SLC28A1: variants seen among roughly 807,000 people sequenced by gnomAD.
The protein encoded by SLC28A1 is solute carrier family 28 member 1, also known as sodium/nucleoside cotransporter 1.
In SLC28A1, 64 loss-of-function variants were observed where a neutral mutation model predicts 74.8. That is an observed-to-expected ratio of 0.86 (90% confidence interval 0.70 to 1.05). The LOEUF is 1.05. SLC28A1 is among the 50% of genes least tolerant of loss of function. SLC28A1 has a pLI of 0.00. For synonymous variants in SLC28A1, 359 were observed against 335.0 expected, an observed-to-expected ratio of 1.07 and a Z score of -0.78; for missense variants, 828 against 822.8, an observed-to-expected ratio of 1.01 and a Z score of -0.08.
At chr15:84,970,324 A>AT in the SLC28A1 span, among the ~76,000 whole-genome samples, 1 of 152,158 alleles carries the variant, frequency 6.6e-6, no homozygotes, top group African/African-American at 2.4e-5. Context: ...CACCCCATAC[A>AT]TCTCATTGGC....
intron 9 of SLC28A1, among the ~76,000 whole-genome samples, chr15:84,914,766 C>T (rs72754924): frequency 0.21 from 31,545 of 152,050 alleles, 3,574 homozygotes; most frequent in South Asian, 0.47. Context: ...CTGCAGGCCC[C>T]AGAGGTGTTT....
intron 8 of SLC28A1, among the ~76,000 whole-genome samples, chr15:84,908,178 CTTT>C (rs71135328): frequency 4.4e-5 from 4 of 91,358 alleles, no homozygotes; most frequent in Admixed American, 1.6e-4. Flanking sequence ...CAGAGCATTT[CTTT>C]TTTTTTTTTT....
intron 15 of SLC28A1, among the ~76,000 whole-genome samples, chr15:84,936,804 G>C (rs768753741): frequency 1.3e-5 from 2 of 152,084 alleles, no homozygotes; most frequent in Non-Finnish European, 2.9e-5. Context: ...TGTATTCCCA[G>C]CACTTTGGGA....
downstream of SLC28A1, among the ~76,000 whole-genome samples, chr15:84,946,430 C>G (rs542771131): frequency 6.6e-6 from 1 of 152,076 alleles, no homozygotes; most frequent in East Asian, 1.9e-4. Context: ...TAACTCAATC[C>G]TTACAACAAC....
At chr15:84,938,216 A>AG (rs1309423528) in intron 15 of SLC28A1, among the ~76,000 whole-genome samples, 1 of 150,190 alleles carries the variant, frequency 6.7e-6, no homozygotes, top group Non-Finnish European at 1.5e-5. Flanking sequence ...AAAAAAAAAA[A>AG]GGTTTCTATA....
chr15:84,890,472 GA>G lies in SLC28A1; in HGVS notation c.217del (p.Ser73AlafsTer56). 6.2e-7 allele frequency: 1 copy of G among 1,610,680 alleles called. No homozygotes were observed. The highest frequency in any genetic ancestry group is 8.5e-7 in the Non-Finnish European group (1 of 1,179,506). On this transcript the variant is annotated frameshift_variant, in exon 5 of 19. Transcript: ENST00000394573. LOFTEE classifies it high-confidence loss of function. ...AACCTGCAGCCAGCCCTGAGAGCCA[GA>G]AGCTTCTGCAGGGAGCACATGCAGC... ...WRNLQPALRA[R>X]SFCREHMQLF... is the part of the protein sequence containing the mutation.
At position 84,920,982 on chromosome 15, in the gene SLC28A1, C is replaced by T; in HGVS notation, c.877-7C>T. ...CAGCCCACAAAGAACATTCTGCTTC[C>T]TTCTAGATTGCCTGGCTGATGCAAG... On this transcript the variant is annotated splice_region_variant and splice_polypyrimidine_tract_variant and intron_variant, in intron 10 of 18. Transcript: ENST00000394573. 6.2e-7 allele frequency: 1 copy of T among 1,612,456 alleles called. No homozygotes were observed. Among genetic ancestry groups the T allele is most frequent in the African/African-American group, 1.3e-5 (1 of 75,020 alleles).
At chr15:84,948,455 C>A (rs762507271), downstream of SLC28A1, among the ~76,000 whole-genome samples, 15 of 152,086 alleles carry the variant, frequency 9.9e-5, no homozygotes, top group Non-Finnish European at 1.5e-4. Context: ...GCTATTGAAC[C>A]AGGATTGAAT....
chr15:84,933,432 G>A (rs1324502223), intron 13 of SLC28A1, among the ~76,000 whole-genome samples, 157 bp downstream of exon 13: 2 of 152,130 alleles, frequency 1.3e-5, no homozygotes, highest in African/African-American at 4.8e-5. Flanking sequence ...TGCTGTCTTA[G>A]TCCATTTTCT....
chr15:84,922,495 G>A (rs1345862296), intron 11 of SLC28A1, among the ~76,000 whole-genome samples: 2 of 152,080 alleles, frequency 1.3e-5, no homozygotes, highest in South Asian at 4.1e-4. Context: ...TTCCCACAGC[G>A]CTGCCTCTGT....
At position 84,933,245 on chromosome 15, in the gene SLC28A1, G is replaced by C. The variant is rs1325020230; in HGVS notation, c.1184G>C (p.Arg395Thr). The C allele has an allele frequency of 3.1e-6, 5 of 1,613,432 alleles. No individual in the cohort carries two copies. The highest frequency in any genetic ancestry group is 4.2e-6 in the Non-Finnish European group (5 of 1,179,696). Reference sequence around the variant, plus strand: ...CCGGAGGTGGAGGAGTCCAAGTTTAGGAGGGAGGAAGGAGTGAAACTGACC... The same window carrying C: ...CCGGAGGTGGAGGAGTCCAAGTTTACGAGGGAGGAAGGAGTGAAACTGACC... The part of the protein sequence containing the change: ...VYPEVEESKF[R>T]REEGVKLTYG... Residue 395 changes from arginine (R) to threonine (T), a missense_variant, in exon 13 of 19, where the codon AGG (arginine) becomes ACG (threonine). Arg to Thr is a moderately conservative substitution (Grantham distance 71, BLOSUM62 -1). Transcript: ENST00000394573.
intron 4 of SLC28A1, among the ~76,000 whole-genome samples, chr15:84,889,101 A>C (rs960033086): frequency 6.6e-6 from 1 of 152,110 alleles, no homozygotes; most frequent in African/African-American, 2.4e-5. Context: ...CCCAGTATGT[A>C]CCGTGGGGCC....
intron 6 of SLC28A1, among the ~76,000 whole-genome samples, chr15:84,901,083 G>A (rs55986826): frequency 0.21 from 31,897 of 152,088 alleles, 3,899 homozygotes; most frequent in South Asian, 0.46. Context: ...TTAGCTGGGC[G>A]TAGTGGCGCA....
chr15:84,946,290 A>T (rs1160836146), downstream of SLC28A1, among the ~76,000 whole-genome samples: 5 of 150,680 alleles, frequency 3.3e-5, no homozygotes, highest in African/African-American at 1.2e-4. Flanking sequence ...TCTCAGTTGA[A>T]GATTTTGTGG....
intron 13 of SLC28A1, among the ~76,000 whole-genome samples, chr15:84,933,648 G>A (rs920679459): frequency 1.3e-5 from 2 of 152,112 alleles, no homozygotes; most frequent in Non-Finnish European, 1.5e-5. Context: ...AACTGAGCAT[G>A]CTAGCTCAGA....
chr15:84,928,595 TTTC>T (rs1567172569), intron 12 of SLC28A1, among the ~76,000 whole-genome samples: 2 of 15,186 alleles, frequency 1.3e-4, no homozygotes, highest in African/African-American at 4.4e-4. Flanking sequence ...TCTTTCTTTC[TTTC>T]TTTCTTTTCT....
rs779453805 is a variant in SLC28A1, at chr15:84,904,096, G to A, written c.462-1G>A. 2 of 1,614,214 alleles carry A rather than the reference G, an allele frequency of 1.2e-6. No homozygotes were observed. Among genetic ancestry groups the A allele is most frequent in the Non-Finnish European group, 1.7e-6 (2 of 1,180,038 alleles). On this transcript the variant is annotated splice_acceptor_variant, in intron 6 of 18. Transcript: ENST00000394573. LOFTEE classifies it high-confidence loss of function. ...AATGGCTTTCTGTCTCTTGCCTGCAGGGGTCTAGCTCTTGCTGCTTTCCTG... is the reference window on the plus strand; with the variant it reads ...AATGGCTTTCTGTCTCTTGCCTGCAAGGGTCTAGCTCTTGCTGCTTTCCTG...
chr15:84,891,581 G>T (rs892054124), intron 5 of SLC28A1, among the ~76,000 whole-genome samples: 1 of 152,188 alleles, frequency 6.6e-6, no homozygotes, highest in Non-Finnish European at 1.5e-5. Flanking sequence ...AGAAGGGGTT[G>T]GCGGCAGCCA....
At chr15:84,899,940 A>AAAGGAAGGAAGGAAGGAAGG (rs71135318) in intron 6 of SLC28A1, among the ~76,000 whole-genome samples, 16,182 of 136,682 alleles carry the variant, frequency 0.12, 1,291 homozygotes, top group South Asian at 0.28. Flanking sequence ...AGAAAGAAAG[A>AAAGGAAGGAAGGAAGGAAGG]AAGGAAGGAA....
Sources: gnomAD v4.1 joint callset for allele counts (sites outside exome capture counted in the v4.1 genomes callset) on GRCh38, gnomAD v4.1.1 for gene constraint, MANE v1.5 for transcripts, NCBI Gene and HGNC (gene_info 2026-07-23, HGNC 2026-07-21) for gene names.